OTOP1: variants seen among roughly 807,000 people sequenced by gnomAD.
OTOP1 encodes the protein proton channel OTOP1.
OTOP1 carries 59 observed loss-of-function variants against 52.9 expected under a neutral mutation model. The ratio of observed to expected loss-of-function variants is 1.12; its 90% confidence interval spans 0.91 to 1.39. The LOEUF is 1.39. OTOP1 is among the 40% of genes most tolerant of loss of function. OTOP1 has a pLI of 0.00. For synonymous variants in OTOP1, 317 were observed against 337.7 expected, an observed-to-expected ratio of 0.94 and a Z score of 0.67; for missense variants, 761 against 800.9, an observed-to-expected ratio of 0.95 and a Z score of 0.60.
chr4:4,200,306 T>C (rs1716752974), intron 4 of OTOP1, among the ~76,000 whole-genome samples: 1 of 151,682 alleles, frequency 6.6e-6, no homozygotes, highest in Admixed American at 6.6e-5. Context: ...CCATCCTGGC[T>C]CTACTAAAAA....
At chr4:4,216,993 A>G (rs1211794089) in intron 1 of OTOP1, among the ~76,000 whole-genome samples, 3 of 152,212 alleles carry the variant, frequency 2.0e-5, no homozygotes, top group South Asian at 2.1e-4. Flanking sequence ...CAAAATTTGC[A>G]TCTCTAACAA....
intron 1 of OTOP1, among the ~76,000 whole-genome samples, chr4:4,221,943 T>C (rs1560212020): frequency 6.6e-6 from 1 of 152,158 alleles, no homozygotes. Context: ...TGCTTTTCTT[T>C]ATATTGAAGT....
In OTOP1 at chr4:4,197,637, C is replaced by T. The variant is rs113329960; in HGVS notation, c.1197G>A (p.Ser399=). The T allele has an allele frequency of 3.5e-5, 57 of 1,613,598 alleles. 1 individual carries two copies. The highest frequency in any genetic ancestry group is 2.1e-4 in the South Asian group (19 of 91,012). The change falls in exon 5 of 6, where the codon TCG becomes TCA. Residue 399 remains serine, a synonymous_variant. Transcript: ENST00000296358. ...AGCCCCAGGAGATAAGCCAGGAGCC[C>T]GAGGCAGTGCCCACCAAGAGGTCCG... ...LDSDLLVGTA[S]GSWLISWGSI...
intron 4 of OTOP1, among the ~76,000 whole-genome samples, chr4:4,201,183 C>CTTTGG (rs934717502): frequency 1.3e-5 from 2 of 152,182 alleles, no homozygotes; most frequent in Admixed American, 6.5e-5. Context: ...AATCCCAACA[C>CTTTGG]TTTGGGAGGC....
rs1183792130 is a variant in OTOP1, at chr4:4,220,105, A to AT, written c.403+6356dup. Among the ~76,000 whole-genome samples, 237 of 59,394 alleles carry AT rather than the reference A, an allele frequency of 4.0e-3. 7 individuals carry two copies. The highest frequency in any genetic ancestry group is 7.2e-3 in the African/African-American group (140 of 19,474). The allele number at this position is 59,394 out of a possible 152,430, so 39.0% of individuals were successfully genotyped here. A position where few individuals can be genotyped will look rare whatever the true frequency, so the allele number is the denominator to read the frequency against. ...CATATATATATATATATATATATAT[A>AT]TTTTTTTTTTTTTTGAGATGGAGTT... On this transcript the variant is annotated intron_variant, in intron 1 of 5. Transcript: ENST00000296358.
chr4:4,208,763 T>A (rs1308452582), intron 2 of OTOP1, among the ~76,000 whole-genome samples: 1 of 139,612 alleles, frequency 7.2e-6, no homozygotes, highest in Non-Finnish European at 1.5e-5. Flanking sequence ...ATGGTAAGTG[T>A]TATGTGATTG....
Position 4,204,767 on chromosome 4 carries a change from T to G in OTOP1, c.599+1305A>C, listed in dbSNP as rs1328736251. Among the ~76,000 whole-genome samples the G allele has an allele frequency of 1.8e-4, 27 of 152,080 alleles. No individual in the cohort carries two copies. In the East Asian group the frequency reaches 4.7e-3, roughly 26 times the overall value. On this transcript the variant is annotated intron_variant, in intron 3 of 5. Coordinates refer to ENST00000296358, the MANE Select transcript of OTOP1 (RefSeq NM_177998.3). ...GTGTGTGTGCGTGTGCATGGTGCTT[T>G]CTTTCTTCTTTTTTTTCTTTTTGAG...
Position 4,206,069 on chromosome 4 carries a change from T to A in OTOP1, c.599+3A>T. 6.2e-7 allele frequency: 1 copy of A among 1,600,342 alleles called. No individual in the cohort carries two copies. Among genetic ancestry groups the A allele is most frequent in the Non-Finnish European group, 8.6e-7 (1 of 1,167,922 alleles). On this transcript the variant is annotated splice_donor_region_variant and intron_variant, in intron 3 of 5. Transcript: ENST00000296358. The stretch of plus-strand genomic sequence containing the variant: ...ATATAAAGCAATTACCCACAATTTT[T>A]ACCTTTCCAGTGTTTTGAAAGACTG...
intron 2 of OTOP1, among the ~76,000 whole-genome samples, chr4:4,208,751 A>T (rs1273091666): frequency 1.3e-5 from 2 of 150,750 alleles, no homozygotes; most frequent in Admixed American, 1.3e-4. Context: ...AAAATAACTA[A>T]GATGGTAAGT....
chr4:4,218,645 C>A (rs1283941366), intron 1 of OTOP1, among the ~76,000 whole-genome samples: 1 of 152,050 alleles, frequency 6.6e-6, no homozygotes, highest in Non-Finnish European at 1.5e-5. Flanking sequence ...CAGTAATAGG[C>A]AGCTGAGCAC....
intron 5 of OTOP1, among the ~76,000 whole-genome samples, chr4:4,191,321 G>T (rs574057660): frequency 1.3e-5 from 2 of 152,198 alleles, no homozygotes; most frequent in East Asian, 1.9e-4. Context: ...CTCCCAGCTC[G>T]CACTAGGGCT....
At chr4:4,223,056 C>T (rs1297225900) in intron 1 of OTOP1, among the ~76,000 whole-genome samples, 3 of 152,186 alleles carry the variant, frequency 2.0e-5, no homozygotes, top group African/African-American at 7.2e-5. Flanking sequence ...CCAGAGCCAA[C>T]ACCATTTCCA....
intron 2 of OTOP1, among the ~76,000 whole-genome samples, chr4:4,210,484 TC>T (rs1717002699): frequency 6.6e-6 from 1 of 152,194 alleles, no homozygotes; most frequent in Non-Finnish European, 1.5e-5. Flanking sequence ...TCCTCCAGTG[TC>T]TTTACATGGC....
chr4:4,202,741 G>A (rs1161507975), intron 3 of OTOP1, among the ~76,000 whole-genome samples, 163 bp from the exon 4 acceptor site: 1 of 152,190 alleles, frequency 6.6e-6, no homozygotes. Flanking sequence ...TGGCTGGGTG[G>A]GGCAGATCCA....
chr4:4,201,181 C>A (rs1227997677), intron 4 of OTOP1, among the ~76,000 whole-genome samples: 1 of 152,160 alleles, frequency 6.6e-6, no homozygotes, highest in Non-Finnish European at 1.5e-5. Flanking sequence ...GTAATCCCAA[C>A]ACTTTGGGAG....
At chr4:4,206,253 C>T in intron 2 of OTOP1, 123 bp from the exon 3 acceptor site, 4 of 713,900 alleles carry the variant, frequency 5.6e-6, no homozygotes, top group Middle Eastern at 4.0e-4. Flanking sequence ...CAGTGACCTC[C>T]TACTCCATCT....
Position 4,213,083 on chromosome 4 carries a change from A to T in OTOP1, c.404-79T>A, listed in dbSNP as rs1210006860. ...TTGATGTCATTTCAAAATAAATTAT[A>T]TTGTGTATTAAACCCTTATGTATAT... On this transcript the variant is annotated intron_variant, in intron 1 of 5. Coordinates refer to ENST00000296358, the MANE Select transcript of OTOP1 (RefSeq NM_177998.3). 9.9e-6 allele frequency: 15 copies of T among 1,521,892 alleles called. No homozygotes were observed. The East Asian group carries it at 3.3e-4, about 33-fold the overall frequency. 94.3% of individuals were successfully genotyped at this position (1,521,892 alleles called of 1,614,324 possible). A position where few individuals can be genotyped will look rare whatever the true frequency, so the allele number is the denominator to read the frequency against.
At chr4:4,199,222 G>GTGTGTGTGTGTGTC (rs1463756959) in intron 4 of OTOP1, among the ~76,000 whole-genome samples, 12 of 92,872 alleles carry the variant, frequency 1.3e-4, no homozygotes, top group Non-Finnish European at 2.3e-4. Flanking sequence ...AGGTAAAATT[G>GTGTGTGTGTGTGTC]TGTGTGTGTG....
Position 4,226,560 on chromosome 4 carries a change from A to C in OTOP1, c.305T>G (p.Leu102Arg), listed in dbSNP as rs1191722041. 1.2e-5 allele frequency: 19 copies of C among 1,604,694 alleles called. No individual in the cohort carries two copies. Among genetic ancestry groups the C allele is most frequent in the Non-Finnish European group, 1.6e-5 (19 of 1,178,516 alleles). ...LLCFLTALML[L>R]QLLWMLWYVG... ...GTACCACAGCATCCACAGCAGCTGCAGCAGCATGAGCGCCGTCAGGAAGCA... is the reference window on the plus strand; with the variant it reads ...GTACCACAGCATCCACAGCAGCTGCCGCAGCATGAGCGCCGTCAGGAAGCA... Residue 102 changes from leucine to arginine, a missense_variant, in exon 1 of 6, where the codon CTG becomes CGG. Around this residue, in one of 3 missense-constraint regions of OTOP1, gnomAD observed 56 missense variants for 105.6 expected, o/e 0.53. Transcript: ENST00000296358.
Sources: gnomAD v4.1 joint callset for allele counts (sites outside exome capture counted in the v4.1 genomes callset) on GRCh38, gnomAD v4.1.1 for gene constraint, gnomAD v4.1.1 regional missense constraint, MANE v1.5 for transcripts, NCBI Gene and HGNC (gene_info 2026-07-23, HGNC 2026-07-21) for gene names.